TIAM1: variants seen among roughly 807,000 people sequenced by gnomAD.
TIAM1 encodes TIAM Rac1 associated GEF 1.
A neutral mutation model predicts 163.5 loss-of-function variants in TIAM1; 65 were observed. The observed-to-expected ratio is 0.40, with a 90% CI of 0.33 to 0.49. The LOEUF (loss-of-function observed/expected upper bound fraction) is 0.49. Ranked by LOEUF, TIAM1 falls within the 20% of genes least tolerant of loss-of-function variation. TIAM1 has a pLI of 0.77. For missense variants in TIAM1, 1,789 were observed against 2,044.7 expected (o/e 0.87, Z 2.41); for synonymous variants, 833 against 810.1 (o/e 1.03, Z -0.48).
At chr21:31,306,146 T>C (rs1275537502) in intron 2 of TIAM1, among the ~76,000 whole-genome samples, 1 of 151,350 alleles carries the variant, frequency 6.6e-6, no homozygotes, top group Non-Finnish European at 1.5e-5. Context: ...AAGCCAGGCA[T>C]GGTGACATGC....
At chr21:31,316,926 AAGT>A (rs1201712349) in intron 2 of TIAM1, among the ~76,000 whole-genome samples, 2 of 152,110 alleles carry the variant, frequency 1.3e-5, no homozygotes, top group Non-Finnish European at 2.9e-5. Flanking sequence ...CTAGGTGGGT[AAGT>A]CTACCTAACT....
intron 16 of TIAM1, among the ~76,000 whole-genome samples, chr21:31,157,439 C>T (rs1287407653): frequency 3.9e-5 from 6 of 152,182 alleles, no homozygotes; most frequent in Non-Finnish European, 7.3e-5. Context: ...TCCTGCTATG[C>T]ATTTGTATGA....
chr21:31,336,382 A>G (rs2075839920), intron 2 of TIAM1, among the ~76,000 whole-genome samples: 1 of 152,196 alleles, frequency 6.6e-6, no homozygotes, highest in Admixed American at 6.5e-5. Flanking sequence ...CCTGAAGCCA[A>G]GAGATGACAC....
intron 2 of TIAM1, among the ~76,000 whole-genome samples, chr21:31,430,226 ATATATATATAT>A (rs1354377696): frequency 1.9e-4 from 13 of 68,246 alleles, no homozygotes; most frequent in African/African-American, 7.9e-4. Context: ...AAAAAAAAAA[ATATATATATAT>A]ATATATATAT....
intron 2 of TIAM1, among the ~76,000 whole-genome samples, chr21:31,295,332 T>G (rs368198056): frequency 6.6e-6 from 1 of 151,970 alleles, no homozygotes; most frequent in Non-Finnish European, 1.5e-5. Flanking sequence ...TAGTTGGGCG[T>G]GGTGGCAGGC....
intron 2 of TIAM1, among the ~76,000 whole-genome samples, chr21:31,430,985 C>G (rs936326161): frequency 6.6e-6 from 1 of 152,120 alleles, no homozygotes; most frequent in African/African-American, 2.4e-5. Context: ...TCTTATAACC[C>G]TGACTTAAGA....
At chr21:31,538,935 T>A (rs1433973871) in intron 1 of TIAM1, among the ~76,000 whole-genome samples, 1 of 152,132 alleles carries the variant, frequency 6.6e-6, no homozygotes, top group Non-Finnish European at 1.5e-5. Context: ...ATGCCTCCCG[T>A]AATGGAAACA....
rs565517213 is a variant in TIAM1 at position 31,137,883 on chromosome 21, C to T, written c.3775-1842G>A. On this transcript the variant is annotated intron_variant, in intron 22 of 27. Transcript: ENST00000541036. The stretch of plus-strand genomic sequence containing the variant: ...CTTGGTTGACCTACAAAGCCACATA[C>T]GAGATAAATATCTGTTGTAGAGAAC... Among the ~76,000 whole-genome samples, 10 of 149,628 alleles carry T rather than the reference C, an allele frequency of 6.7e-5. No individual in the cohort carries two copies. The East Asian group carries it at 1.4e-3, about 20-fold the overall frequency.
At position 31,244,270 on chromosome 21, in the gene TIAM1, C is replaced by T. The variant is rs1425363830; in HGVS notation, c.1584+1218G>A. On this transcript the variant is annotated intron_variant, in intron 6 of 27. Coordinates refer to ENST00000541036, the MANE Select transcript of TIAM1 (RefSeq NM_001353694.2). ...CTTGGTGAAATAAATGATTTCTTTC[C>T]TCTATACCTTTGTTCTAGCCCCCTC... is the stretch of plus-strand genomic sequence containing the variant. Among the ~76,000 whole-genome samples the T allele has an allele frequency of 2.0e-5, 3 of 152,136 alleles. No homozygotes were observed. The East Asian group carries it at 5.8e-4, about 29-fold the overall frequency.
At chr21:31,473,694 G>A (rs1446318937) in intron 1 of TIAM1, among the ~76,000 whole-genome samples, 1 of 151,822 alleles carries the variant, frequency 6.6e-6, no homozygotes, top group Non-Finnish European at 1.5e-5. Context: ...GCAGGAAAGG[G>A]GTCCCAGTAC....
At chr21:31,321,372 G>T (rs2075307530) in intron 2 of TIAM1, among the ~76,000 whole-genome samples, 1 of 150,792 alleles carries the variant, frequency 6.6e-6, no homozygotes, top group Non-Finnish European at 1.5e-5. Context: ...TTGTTTTTGA[G>T]ACGGAGTTTC....
intron 1 of TIAM1, among the ~76,000 whole-genome samples, chr21:31,473,429 C>CAAAAAAA (rs56691495): frequency 1.5e-4 from 11 of 75,734 alleles, no homozygotes; most frequent in Non-Finnish European, 2.4e-4. Context: ...GACTCCATCT[C>CAAAAAAA]AAAAAAAAAA....
intron 2 of TIAM1, among the ~76,000 whole-genome samples, chr21:31,295,251 A>G (rs1183670535): frequency 3.3e-5 from 5 of 152,152 alleles, no homozygotes; most frequent in Admixed American, 6.5e-5. Flanking sequence ...CGGGCGGATC[A>G]TGAAGTCAGG....
At chr21:31,554,674 A>G (rs752571665) in intron 1 of TIAM1, among the ~76,000 whole-genome samples, 1 of 152,122 alleles carries the variant, frequency 6.6e-6, no homozygotes, top group Non-Finnish European at 1.5e-5. Flanking sequence ...AAAGCAGACA[A>G]TTGATCGGCT....
intron 13 of TIAM1, among the ~76,000 whole-genome samples, chr21:31,193,913 C>A (rs1885906121): frequency 1.3e-5 from 2 of 152,186 alleles, no homozygotes; most frequent in African/African-American, 2.4e-5. Context: ...CCCCGCCAGG[C>A]AAAGACTCCA....
intron 2 of TIAM1, among the ~76,000 whole-genome samples, chr21:31,386,504 C>T (rs2076873741): frequency 6.6e-6 from 1 of 152,174 alleles, no homozygotes; most frequent in Non-Finnish European, 1.5e-5. Context: ...AGGTAAGTGG[C>T]TACCTGGAGA....
chr21:31,499,006 G>A (rs2284537), intron 1 of TIAM1, among the ~76,000 whole-genome samples: 8,927 of 150,928 alleles, frequency 0.059, 494 homozygotes, highest in Admixed American at 0.16. Flanking sequence ...GGGGAGGGGA[G>A]GGGAGGGGGA....
chr21:31,175,778 T>C (rs1022425474), intron 15 of TIAM1, among the ~76,000 whole-genome samples: 1 of 152,120 alleles, frequency 6.6e-6, no homozygotes, highest in African/African-American at 2.4e-5. Flanking sequence ...TTTGTATGTT[T>C]AGTAGAGACG....
At chr21:31,489,478 G>A (rs924003356) in intron 1 of TIAM1, among the ~76,000 whole-genome samples, 9 of 90,262 alleles carry the variant, frequency 1.0e-4, no homozygotes, top group African/African-American at 4.9e-4. Flanking sequence ...GTGAGAAGGA[G>A]ATGAAAGAAA....
Sources: allele counts gnomAD v4.1 joint callset (sites outside exome capture counted in the v4.1 genomes callset), GRCh38; gene constraint gnomAD v4.1.1; transcripts MANE v1.5; gene names NCBI Gene and HGNC (gene_info 2026-07-23, HGNC 2026-07-21).